The following ZNF804B variants were observed in gnomAD, a reference collection of about 807,000 sequenced individuals.
ZNF804B encodes zinc finger protein 804B.
A neutral mutation model predicts 101.4 loss-of-function variants in ZNF804B; 80 were observed. The observed-to-expected ratio is 0.79, with a 90% CI of 0.66 to 0.95. The LOEUF is 0.95. Among genes scored for constraint, ZNF804B ranks in the 40% least tolerant of loss-of-function variants. The pLI is 0.00. For missense variants in ZNF804B, 1,673 were observed against 1,561.9 expected (o/e 1.07, Z -1.20); for synonymous variants, 622 against 558.8 (o/e 1.11, Z -1.59).
chr7:89,244,473 A>G (rs1234545759), intron 2 of ZNF804B, among the ~76,000 whole-genome samples: 1 of 152,134 alleles, frequency 6.6e-6, no homozygotes, highest in East Asian at 1.9e-4. Context: ...TAAAGATAAC[A>G]CTGAATAAAG....
At chr7:89,228,322 G>A (rs922057648) in intron 2 of ZNF804B, among the ~76,000 whole-genome samples, 1 of 152,126 alleles carries the variant, frequency 6.6e-6, no homozygotes, top group Non-Finnish European at 1.5e-5. Context: ...GGTTGCCACT[G>A]CTGGCTCAGG....
At chr7:89,259,991 A>G (rs993624332) in intron 2 of ZNF804B, among the ~76,000 whole-genome samples, 1 of 152,052 alleles carries the variant, frequency 6.6e-6, no homozygotes, top group African/African-American at 2.4e-5. Context: ...TCAAAAAAAT[A>G]AAAAGAGAGA....
chr7:89,308,374 C>T (rs10239163), intron 2 of ZNF804B, among the ~76,000 whole-genome samples: 35,278 of 151,924 alleles, frequency 0.23, 4,434 homozygotes, highest in Admixed American at 0.28. Flanking sequence ...ATATTCAGGG[C>T]TTGTTTTGAT....
At position 88,759,951 on chromosome 7, in the gene ZNF804B, G is replaced by A; in HGVS notation, c.-26G>A. On this transcript the variant is annotated 5_prime_UTR_variant, in exon 1 of 4. Coordinates refer to ENST00000333190, the MANE Select transcript of ZNF804B (RefSeq NM_181646.5). The stretch of plus-strand genomic sequence containing the variant: ...GGCTGGTCGCCTGGTGAGGAGTTGA[G>A]ACTCTGCGCCTCCGCCCGGACCCAC... The A allele has an allele frequency of 6.2e-7, 1 of 1,606,592 alleles. No homozygotes were observed. Among genetic ancestry groups the A allele is most frequent in the Admixed American group, 1.7e-5 (1 of 59,998 alleles).
intron 1 of ZNF804B, among the ~76,000 whole-genome samples, chr7:88,773,680 G>C (rs781601148): frequency 2.0e-5 from 3 of 152,224 alleles, no homozygotes; most frequent in South Asian, 4.1e-4. Flanking sequence ...GGTTCTGCAG[G>C]CTTTACAGGT....
chr7:88,991,803 T>G (rs940704645), intron 1 of ZNF804B, among the ~76,000 whole-genome samples: 3 of 152,302 alleles, frequency 2.0e-5, no homozygotes, highest in African/African-American at 7.2e-5. Flanking sequence ...CAGAGCCTTG[T>G]ACCTCAACAT....
chr7:88,924,418 A>T (rs1792766124), intron 1 of ZNF804B, among the ~76,000 whole-genome samples: 1 of 151,984 alleles, frequency 6.6e-6, no homozygotes, highest in Admixed American at 6.6e-5. Flanking sequence ...TACTTTTCTT[A>T]TCAATGTATA....
chr7:88,845,423 G>C (rs1791359739), intron 1 of ZNF804B, among the ~76,000 whole-genome samples: 1 of 152,048 alleles, frequency 6.6e-6, no homozygotes, highest in Non-Finnish European at 1.5e-5. Flanking sequence ...TGCCACTGGA[G>C]AAGAATCTGG....
chr7:88,799,511 G>A (rs1341716945), intron 1 of ZNF804B, among the ~76,000 whole-genome samples: 1 of 152,002 alleles, frequency 6.6e-6, no homozygotes, highest in East Asian at 1.9e-4. Flanking sequence ...TCTATGAGAT[G>A]ATTCCTCTGG....
At chr7:88,819,271 A>T (rs1234397894) in intron 1 of ZNF804B, among the ~76,000 whole-genome samples, 2 of 147,080 alleles carry the variant, frequency 1.4e-5, no homozygotes, top group Non-Finnish European at 3.0e-5. Context: ...CCACTGGTGC[A>T]TGCCTCCACA....
chr7:89,152,867 C>T (rs907852292), intron 1 of ZNF804B, among the ~76,000 whole-genome samples: 1 of 152,036 alleles, frequency 6.6e-6, no homozygotes, highest in Non-Finnish European at 1.5e-5. Flanking sequence ...GGTCTGAAGG[C>T]TAGGGTCTGC....
chr7:88,921,267 T>C (rs1242376051), intron 1 of ZNF804B, among the ~76,000 whole-genome samples: 2 of 151,878 alleles, frequency 1.3e-5, no homozygotes, highest in African/African-American at 4.8e-5. Flanking sequence ...AAAAACTGGA[T>C]GGTGAAGTAT....
intron 2 of ZNF804B, among the ~76,000 whole-genome samples, chr7:89,294,873 A>T (rs562983072): frequency 5.1e-4 from 78 of 151,958 alleles, no homozygotes; most frequent in Middle Eastern, 3.4e-3. Flanking sequence ...CACAATTTTC[A>T]TTACTTATTT....
chr7:89,137,664 A>C (rs1308940248), intron 1 of ZNF804B, among the ~76,000 whole-genome samples: 1 of 152,126 alleles, frequency 6.6e-6, no homozygotes, highest in East Asian at 1.9e-4. Flanking sequence ...AGAGCATAAA[A>C]GTTTGGAAAA....
chr7:89,102,262 A>G (rs75961144), intron 1 of ZNF804B, among the ~76,000 whole-genome samples: 1,728 of 152,012 alleles, frequency 0.011, 27 homozygotes, highest in African/African-American at 0.039. Flanking sequence ...TGTTTTTTCC[A>G]TAGAGGTTGA....
At chr7:88,871,968 CA>C (rs1246794741) in intron 1 of ZNF804B, among the ~76,000 whole-genome samples, 3 of 148,288 alleles carry the variant, frequency 2.0e-5, no homozygotes, top group Non-Finnish European at 3.0e-5. Flanking sequence ...AACTCTGTCT[CA>C]AAAAAAAAGT....
At chr7:88,875,036 G>C (rs1332044661) in intron 1 of ZNF804B, among the ~76,000 whole-genome samples, 2 of 130,050 alleles carry the variant, frequency 1.5e-5, no homozygotes, top group Non-Finnish European at 3.1e-5. Flanking sequence ...CATGGAAACT[G>C]AACAACCTGC....
At chr7:89,087,903 G>GA (rs1294391936) in intron 1 of ZNF804B, among the ~76,000 whole-genome samples, 1 of 151,590 alleles carries the variant, frequency 6.6e-6, no homozygotes, top group East Asian at 1.9e-4. Context: ...TGTTCAATTA[G>GA]AAAATCTCTG....
chr7:88,767,658 A>G (rs1468127241), intron 1 of ZNF804B, among the ~76,000 whole-genome samples: 1 of 152,140 alleles, frequency 6.6e-6, no homozygotes, highest in Non-Finnish European at 1.5e-5. Flanking sequence ...TGGCCATATT[A>G]CTTGCATTCA....
Sources: allele counts gnomAD v4.1 joint callset (sites outside exome capture counted in the v4.1 genomes callset), GRCh38; gene constraint gnomAD v4.1.1; transcripts MANE v1.5; gene names NCBI Gene and HGNC (gene_info 2026-07-23, HGNC 2026-07-21).